PCGF3: variants seen among roughly 807,000 people sequenced by gnomAD.
PCGF3 encodes polycomb group RING finger protein 3.
In PCGF3, 7 loss-of-function variants were observed where a neutral mutation model predicts 33.1. The observed-to-expected ratio is 0.21, with a 90% CI of 0.12 to 0.40. PCGF3 has a LOEUF of 0.40. Among genes scored for constraint, PCGF3 ranks in the 10% least tolerant of loss-of-function variants. PCGF3 has a pLI of 1.00. For synonymous variants in PCGF3, 153 were observed against 121.3 expected (o/e 1.26, Z -1.72); for missense variants, 211 against 313.3 (o/e 0.67, Z 2.46).
At chr4:732,094 C>A (rs1222864406) in intron 3 of PCGF3, among the ~76,000 whole-genome samples, 3 of 58,616 alleles carry the variant, frequency 5.1e-5, no homozygotes, top group African/African-American at 2.4e-4. Flanking sequence ...TAGGGCGGGG[C>A]TCCCCTCCCC....
At chr4:743,329 TCA>T (rs1158773110) in intron 6 of PCGF3, 143 bp from the exon 7 acceptor site, 5 of 600,464 alleles carry the variant, frequency 8.3e-6, no homozygotes, top group African/African-American at 1.9e-5. Flanking sequence ...CCAAAACATC[TCA>T]GTCTTAATTT....
At chr4:708,927 G>C (rs1657336514) in intron 1 of PCGF3, among the ~76,000 whole-genome samples, 1 of 152,198 alleles carries the variant, frequency 6.6e-6, no homozygotes, top group East Asian at 1.9e-4. Flanking sequence ...GTGGTGATCG[G>C]GCTGGGGACG....
intron 1 of PCGF3, among the ~76,000 whole-genome samples, chr4:730,031 C>G (rs920098739): frequency 2.6e-5 from 4 of 152,088 alleles, no homozygotes; most frequent in African/African-American, 9.7e-5. Flanking sequence ...GGGACTGTGT[C>G]CCTCCCCTGC....
At position 742,271 on chromosome 4, in the gene PCGF3, ATCC is replaced by A. The variant is rs555379716; in HGVS notation, c.263-1197_263-1195del. Among the ~76,000 whole-genome samples the A allele has an allele frequency of 4.6e-3, 698 of 150,610 alleles. 9 individuals carry two copies. Among genetic ancestry groups the A allele is most frequent in the Middle Eastern group, 3.4e-3 (1 of 292 alleles). ...CTCTCTCTGCCCAGGCTCACGGGGC[ATCC>A]TCCTCTCTGTCCAAGCTCGTTGCCT... On this transcript the variant is annotated intron_variant, in intron 6 of 10. Coordinates refer to ENST00000362003, the Ensembl canonical transcript of PCGF3.
At position 734,194 on chromosome 4, in the gene PCGF3, T is replaced by C. The variant is rs147726236; in HGVS notation, c.109+405T>C. 3,355 of 1,537,884 alleles carry C rather than the reference T, an allele frequency of 2.2e-3. 6 individuals are homozygous for C. Among genetic ancestry groups the C allele is most frequent in the Non-Finnish European group, 2.8e-3 (3,189 of 1,137,164 alleles). ...CCTCACACCTGATGAGTCTGTGCTT[T>C]GGTGTTAGAGGACTCACACCTGGGG... On this transcript the variant is annotated intron_variant, in intron 4 of 10. Transcript: ENST00000362003.
chr4:741,564 G>A (rs1311242661), intron 6 of PCGF3, among the ~76,000 whole-genome samples: 1 of 152,150 alleles, frequency 6.6e-6, no homozygotes, highest in African/African-American at 2.4e-5. Flanking sequence ...GTGCCACCAT[G>A]CCTGGCTAAT....
chr4:734,690 C>G, intron 4 of PCGF3: 1 of 1,323,824 alleles, frequency 7.6e-7, no homozygotes, highest in Non-Finnish European at 9.7e-7. Flanking sequence ...TTTTTTCCCA[C>G]TTAATTCCTA....
intron 1 of PCGF3, among the ~76,000 whole-genome samples, chr4:716,175 G>A (rs372335896): frequency 1.1e-5 from 1 of 92,116 alleles, no homozygotes; most frequent in African/African-American, 3.5e-5. Flanking sequence ...ACTGGGCGTC[G>A]GTGCTGGAAC....
intron 8 of PCGF3, among the ~76,000 whole-genome samples, chr4:752,228 G>A (rs1177932680): frequency 1.3e-5 from 2 of 152,180 alleles, no homozygotes; most frequent in East Asian, 1.9e-4. Flanking sequence ...GTCCCTGGTC[G>A]TTCTTTCTCC....
chr4:732,128 G>GTT (rs1560203935), intron 3 of PCGF3, among the ~76,000 whole-genome samples: 145 of 92,536 alleles, frequency 1.6e-3, no homozygotes, highest in East Asian at 3.3e-3. Flanking sequence ...TGGTCCTCAG[G>GTT]GGCGTAGGGC....
At chr4:724,072 T>C (rs2109562835) in intron 1 of PCGF3, 1 of 152,338 alleles carries the variant, frequency 6.6e-6, no homozygotes, top group Admixed American at 6.5e-5. Flanking sequence ...CAAGGAATGT[T>C]CGGGTCAGTT....
chr4:754,399 A>G (rs956790292), intron 8 of PCGF3, among the ~76,000 whole-genome samples: 2 of 152,202 alleles, frequency 1.3e-5, no homozygotes, highest in Non-Finnish European at 2.9e-5. Flanking sequence ...GCCTGCTGGA[A>G]GTGGGCTCTG....
chr4:753,953 G>A (rs1305067925), intron 8 of PCGF3, among the ~76,000 whole-genome samples: 1 of 152,190 alleles, frequency 6.6e-6, no homozygotes, highest in Non-Finnish European at 1.5e-5. Flanking sequence ...CCTACATTCA[G>A]CTTCCCTTGG....
At chr4:753,959 C>G (rs1230107084) in intron 8 of PCGF3, among the ~76,000 whole-genome samples, 1 of 152,188 alleles carries the variant, frequency 6.6e-6, no homozygotes, top group Admixed American at 6.5e-5. Flanking sequence ...TTCAGCTTCC[C>G]TTGGAGCGAG....
exon 11 of PCGF3, chr4:768,425 A>AT (rs908575712): frequency 8.0e-5 from 12 of 149,848 alleles, no homozygotes; most frequent in Admixed American, 7.3e-4. Context: ...GCTGAATTTC[A>AT]TTTTTTCCAG....
chr4:727,796 C>T (rs1230153041), intron 1 of PCGF3, among the ~76,000 whole-genome samples: 2 of 151,816 alleles, frequency 1.3e-5, no homozygotes, highest in East Asian at 1.9e-4. Context: ...GTGAGGTTAA[C>T]GTTGAGTTCT....
At chr4:738,834 G>C (rs1387132803) in intron 6 of PCGF3, among the ~76,000 whole-genome samples, 1 of 151,512 alleles carries the variant, frequency 6.6e-6, no homozygotes, top group Non-Finnish European at 1.5e-5. Context: ...ACTCCAGGCT[G>C]GGCGACAGAG....
At chr4:751,920 C>T (rs188863688) in intron 8 of PCGF3, among the ~76,000 whole-genome samples, 1 of 152,378 alleles carries the variant, frequency 6.6e-6, no homozygotes, top group East Asian at 1.9e-4. Context: ...GGTGGGCACT[C>T]AGCCTCAAGG....
At chr4:708,244 G>A (rs1292732045) in intron 1 of PCGF3, among the ~76,000 whole-genome samples, 1 of 152,180 alleles carries the variant, frequency 6.6e-6, no homozygotes, top group African/African-American at 2.4e-5. Context: ...GGACTGGGAA[G>A]AAGGCTAGGC....
Sources: gnomAD v4.1 joint callset for allele counts (sites outside exome capture counted in the v4.1 genomes callset) on GRCh38, gnomAD v4.1.1 for gene constraint, MANE v1.5 for transcripts, NCBI Gene and HGNC (gene_info 2026-07-23, HGNC 2026-07-21) for gene names.